Variants in PDE7B observed in about 807,000 individuals in gnomAD.
PDE7B encodes 3',5'-cyclic-AMP phosphodiesterase 7B.
In PDE7B, 29 loss-of-function variants were observed where a neutral mutation model predicts 56.2. The observed-to-expected ratio is 0.52, with a 90% CI of 0.38 to 0.70. PDE7B has a LOEUF of 0.70. Ranked by LOEUF, PDE7B falls within the 30% of genes least tolerant of loss-of-function variation. The pLI is 0.00. For missense variants in PDE7B, 490 were observed against 565.0 expected (o/e 0.87, Z 1.35); for synonymous variants, 197 against 196.9 (o/e 1.00, Z 0.00).
chr6:136,066,980 C>G (rs544303130), intron 2 of PDE7B, among the ~76,000 whole-genome samples: 2 of 151,972 alleles, frequency 1.3e-5, no homozygotes, highest in Non-Finnish European at 2.9e-5. Flanking sequence ...CTCAGCCTCC[C>G]AAGTAGATGG....
intron 3 of PDE7B, among the ~76,000 whole-genome samples, chr6:136,143,473 C>T (rs1778363125): frequency 6.6e-6 from 1 of 151,802 alleles, no homozygotes; most frequent in Admixed American, 6.6e-5. Context: ...TGTATCATAT[C>T]TTAATGTAAT....
At chr6:136,045,392 A>G (rs918557357) in intron 2 of PDE7B, among the ~76,000 whole-genome samples, 1 of 152,234 alleles carries the variant, frequency 6.6e-6, no homozygotes, top group Non-Finnish European at 1.5e-5. Context: ...TCCTGAAATT[A>G]TAAAATTATT....
chr6:136,047,759 A>G (rs1776539971), intron 2 of PDE7B, among the ~76,000 whole-genome samples: 1 of 152,234 alleles, frequency 6.6e-6, no homozygotes, highest in Non-Finnish European at 1.5e-5. Context: ...ATATTCAGAA[A>G]GGGAAATGAA....
chr6:135,924,627 T>C (rs1562441445), intron 1 of PDE7B, among the ~76,000 whole-genome samples: 1 of 142,326 alleles, frequency 7.0e-6, no homozygotes, highest in East Asian at 2.0e-4. Flanking sequence ...CTTTTTTTTT[T>C]TTTTTTTTTT....
intron 2 of PDE7B, among the ~76,000 whole-genome samples, chr6:136,052,198 A>G (rs77376494): frequency 6.6e-6 from 1 of 152,198 alleles, no homozygotes; most frequent in African/African-American, 2.4e-5. Context: ...AGCCATATAT[A>G]AAAAGTAGGA....
At chr6:136,171,720 C>T (rs997424603) in intron 8 of PDE7B, among the ~76,000 whole-genome samples, 4 of 151,646 alleles carry the variant, frequency 2.6e-5, no homozygotes, top group Middle Eastern at 6.8e-3. Flanking sequence ...ATGTGCCATG[C>T]TGGTGTGCTG....
chr6:135,987,893 C>G (rs1190373616), intron 2 of PDE7B, among the ~76,000 whole-genome samples: 1 of 151,996 alleles, frequency 6.6e-6, no homozygotes, highest in African/African-American at 2.4e-5. Flanking sequence ...CTCCAAATAC[C>G]AACACACTGG....
In PDE7B at chr6:136,038,355, G is replaced by A; in HGVS notation, c.83-70376G>A. 3.1e-6 allele frequency: 4 copies of A among 1,292,046 alleles called. No individual in the cohort carries two copies. In the Middle Eastern group the frequency reaches 6.4e-4, roughly 206 times the overall value. The allele number at this position is 1,292,046 out of a possible 1,614,324, so 80.0% of individuals were successfully genotyped here. A position where few individuals can be genotyped will look rare whatever the true frequency, so the allele number is the denominator to read the frequency against. On this transcript the variant is annotated intron_variant, in intron 2 of 12. Transcript: ENST00000308191. The stretch of plus-strand genomic sequence containing the variant: ...GGCAGGAGGTGGACAGGCCCAGAAG[G>A]TGTGCTGCCCTCCTCCCCGGGAAGC...
chr6:135,960,422 T>A (rs1166341951), intron 2 of PDE7B, among the ~76,000 whole-genome samples: 1 of 152,226 alleles, frequency 6.6e-6, no homozygotes, highest in Non-Finnish European at 1.5e-5. Context: ...AATTACTGTA[T>A]TTAACATTAG....
rs111871105 is a variant in PDE7B, at chr6:136,134,960, GA to G, written c.167-12381del. Among the ~76,000 whole-genome samples the G allele has an allele frequency of 5.8e-3, 848 of 146,994 alleles. 6 individuals carry two copies. Among genetic ancestry groups the G allele is most frequent in the African/African-American group, 0.02 (783 of 40,140 alleles). ...AGAACATAAAGGAAAAATGGCAATT[GA>G]AAAAAAAAATAAGCATGTTAAAAAG... On this transcript the variant is annotated intron_variant, in intron 3 of 12. Coordinates refer to ENST00000308191, the MANE Select transcript of PDE7B (RefSeq NM_018945.4).
chr6:136,119,175 C>T (rs1777887799), intron 3 of PDE7B, among the ~76,000 whole-genome samples: 3 of 152,020 alleles, frequency 2.0e-5, no homozygotes, highest in South Asian at 2.1e-4. Flanking sequence ...AACCATGAAT[C>T]GCTGAAAGAA....
chr6:135,874,240 CTG>C (rs1231624612), intron 1 of PDE7B, among the ~76,000 whole-genome samples: 1 of 152,128 alleles, frequency 6.6e-6, no homozygotes, highest in Non-Finnish European at 1.5e-5. Context: ...GTGAGTCTCT[CTG>C]TTATCTCTCT....
chr6:136,128,856 T>C (rs1370311867), intron 3 of PDE7B, among the ~76,000 whole-genome samples: 1 of 152,064 alleles, frequency 6.6e-6, no homozygotes, highest in Non-Finnish European at 1.5e-5. Context: ...ACCTTCTTTC[T>C]CCTCTCTCTG....
intron 8 of PDE7B, among the ~76,000 whole-genome samples, chr6:136,163,838 C>A (rs1007444707): frequency 2.0e-5 from 3 of 152,236 alleles, no homozygotes; most frequent in African/African-American, 4.8e-5. Flanking sequence ...CAGTTCCCAA[C>A]AAGTTCTTCA....
chr6:136,003,496 G>A (rs1240819130), intron 2 of PDE7B, among the ~76,000 whole-genome samples: 10 of 151,956 alleles, frequency 6.6e-5, no homozygotes, highest in South Asian at 2.1e-4. Flanking sequence ...TCAAATAGAC[G>A]CAATAAAAAA....
intron 2 of PDE7B, among the ~76,000 whole-genome samples, chr6:136,061,373 G>A (rs1776836180): frequency 6.6e-6 from 1 of 152,094 alleles, no homozygotes; most frequent in Non-Finnish European, 1.5e-5. Flanking sequence ...ATTAAATATA[G>A]ATTTGAATAC....
chr6:135,918,329 C>T (rs1381319082), intron 1 of PDE7B, among the ~76,000 whole-genome samples: 2 of 152,164 alleles, frequency 1.3e-5, no homozygotes, highest in African/African-American at 4.8e-5. Context: ...TTGCTTCAAA[C>T]ATTTTGTTCA....
rs747760294 is a variant in PDE7B, at chr6:136,147,475, G to A, written c.291G>A (p.Leu97=). 1.2e-6 allele frequency: 2 copies of A among 1,613,818 alleles called. No individual in the cohort carries two copies. Among genetic ancestry groups the A allele is most frequent in the African/African-American group, 1.3e-5 (1 of 74,914 alleles). Residue 97 remains leucine (L), a synonymous_variant, in exon 4 of 13, where the codon CTG becomes CTA. Coordinates refer to ENST00000308191, the MANE Select transcript of PDE7B (RefSeq NM_018945.4). ...GIIPQAPLHL[L]DEDYLGQARH... Reference sequence around the variant, plus strand: ...TACCACAAGCCCCTCTGCACCTGCTGGATGAAGACTACCTTGGACAAGCAA... The same window carrying A: ...TACCACAAGCCCCTCTGCACCTGCTAGATGAAGACTACCTTGGACAAGCAA...
At chr6:136,063,951 T>C (rs1392894514) in intron 2 of PDE7B, among the ~76,000 whole-genome samples, 2 of 152,196 alleles carry the variant, frequency 1.3e-5, no homozygotes, top group Admixed American at 1.3e-4. Context: ...CAACACCCAT[T>C]TGTCCAGTCC....
Sources: gnomAD v4.1 joint callset for allele counts (sites outside exome capture counted in the v4.1 genomes callset) on GRCh38, gnomAD v4.1.1 for gene constraint, MANE v1.5 for transcripts, NCBI Gene and HGNC (gene_info 2026-07-23, HGNC 2026-07-21) for gene names.